The following MAP2K5 variants were observed in gnomAD, a reference collection of about 807,000 sequenced individuals.
MAP2K5 encodes dual specificity mitogen-activated protein kinase kinase 5.
In MAP2K5, 49 loss-of-function variants were observed where a neutral mutation model predicts 83.1. The ratio of observed to expected loss-of-function variants is 0.59; its 90% CI spans 0.47 to 0.75. The LOEUF (loss-of-function observed/expected upper bound fraction) is 0.75, where lower values mean the gene tolerates loss of function less well. Among genes scored for constraint, MAP2K5 ranks in the 30% least tolerant of loss-of-function variants. The probability of loss-of-function intolerance (pLI) is 0.00; values close to 1 mark genes in which losing one functional copy is unlikely to be tolerated. For synonymous variants in MAP2K5, 202 were observed against 191.8 expected, an observed-to-expected ratio of 1.05 and a Z score of -0.44; for missense variants, 457 against 557.5, an observed-to-expected ratio of 0.82 and a Z score of 1.82.
chr15:67,592,385 G>A (rs2085434285), intron 6 of MAP2K5, among the ~76,000 whole-genome samples: 1 of 152,122 alleles, frequency 6.6e-6, no homozygotes, highest in Non-Finnish European at 1.5e-5. Flanking sequence ...TACAGAAAGA[G>A]GAAATTGAGG....
chr15:67,671,035 A>C (rs1443179614), intron 13 of MAP2K5, among the ~76,000 whole-genome samples: 1 of 152,198 alleles, frequency 6.6e-6, no homozygotes. Flanking sequence ...CTACTGACTG[A>C]CTGCCTCACT....
chr15:67,707,697 G>A (rs1045536452), intron 16 of MAP2K5, among the ~76,000 whole-genome samples: 11 of 152,136 alleles, frequency 7.2e-5, no homozygotes, highest in Non-Finnish European at 4.4e-5. Context: ...AAGGGGGTGG[G>A]GTTTCACACA....
intron 9 of MAP2K5, among the ~76,000 whole-genome samples, chr15:67,645,978 A>C (rs1373304182): frequency 6.6e-6 from 1 of 152,160 alleles, no homozygotes; most frequent in East Asian, 1.9e-4. Context: ...TTTTAAAGCC[A>C]TTACTATTGA....
rs190494217 is a variant in MAP2K5 at position 67,587,153 on chromosome 15, G to A, written c.431+240G>A. ...AGAAGCAGAGAAGGGCGTTTCAGAC[G>A]GAGGGAAGAGGGTAGGTGAAGGCCC... On this transcript the variant is annotated intron_variant, in intron 6 of 21. Coordinates refer to ENST00000178640, the MANE Select transcript of MAP2K5 (RefSeq NM_145160.3). This position sits in a 1 kb window ranked among gnomAD's most constrained non-coding sequence, Gnocchi z 4.8. Among the ~76,000 whole-genome samples the A allele has an allele frequency of 5.3e-4, 80 of 152,282 alleles. No individual in the cohort carries two copies. The highest frequency in any genetic ancestry group is 1.9e-3 in the East Asian group (10 of 5,178).
rs398027749 is a variant in MAP2K5 at position 67,621,449 on chromosome 15, A to AAG, written c.546-9439_546-9438insAG. Among the ~76,000 whole-genome samples the AAG allele has an allele frequency of 6.6e-5, 10 of 151,378 alleles. No individual in the cohort carries two copies. The East Asian group carries it at 7.7e-4, about 12-fold the overall frequency. On this transcript the variant is annotated intron_variant, in intron 8 of 21. Transcript: ENST00000178640. ...ACAAAAGTTTGAAAAAAAAAAAAAA[A>AAG]GAACAAAAGTTAATTAAGTGAAAAT...
intron 7 of MAP2K5, among the ~76,000 whole-genome samples, chr15:67,597,751 A>G (rs1337120384): frequency 2.0e-5 from 3 of 152,218 alleles, no homozygotes; most frequent in African/African-American, 7.2e-5. Context: ...GATAAGAGAT[A>G]TGAAGTTCTA....
chr15:67,638,420 G>A lies in MAP2K5; in HGVS notation c.585+7493G>A, dbSNP rs1209500106. ...CATGATCTCATTGTTTTTTATGACT[G>A]CATAGTATTCCATGGTGTGTATGTA... On this transcript the variant is annotated intron_variant, in intron 9 of 21. Coordinates refer to ENST00000178640, the MANE Select transcript of MAP2K5 (RefSeq NM_145160.3). The surrounding 1 kb of genome is among the most constrained non-coding windows in gnomAD (Gnocchi z 4.5). 6.6e-6 allele frequency among the ~76,000 whole-genome samples: 1 copy of A among 152,172 alleles called. No homozygotes were observed. Among genetic ancestry groups the A allele is most frequent in the Non-Finnish European group, 1.5e-5 (1 of 68,028 alleles).
At chr15:67,687,907 T>C (rs1283143941) in intron 13 of MAP2K5, among the ~76,000 whole-genome samples, 1 of 151,850 alleles carries the variant, frequency 6.6e-6, no homozygotes, top group African/African-American at 2.4e-5. Context: ...AACAGATCTA[T>C]GTGTAGAAAT....
At chr15:67,695,233 C>T (rs921095815) in intron 15 of MAP2K5, among the ~76,000 whole-genome samples, 2 of 151,408 alleles carry the variant, frequency 1.3e-5, no homozygotes, top group South Asian at 2.1e-4. Context: ...ACATTGTGCA[C>T]ATGTACCCTA....
intron 2 of MAP2K5, 87 bp downstream of exon 2, chr15:67,550,169 A>G: frequency 1.0e-6 from 1 of 953,760 alleles, no homozygotes; most frequent in Non-Finnish European, 1.7e-6. Context: ...TTAGAAACTG[A>G]CAAAAACAGA....
At position 67,542,968 on chromosome 15, in the gene MAP2K5, T is replaced by C. The variant is rs1473235433; in HGVS notation, c.-368T>C. On this transcript the variant is annotated 5_prime_UTR_variant, in exon 1 of 22. Coordinates refer to ENST00000178640, the MANE Select transcript of MAP2K5 (RefSeq NM_145160.3). The stretch of plus-strand genomic sequence containing the variant: ...CTGACGAGCGGTGGACACCTGCCGC[T>C]GTATCTCCCCCAAACCGAGTCCTTG... 7.8e-6 allele frequency: 2 copies of C among 255,000 alleles called. No individual in the cohort carries two copies. Among genetic ancestry groups the C allele is most frequent in the Non-Finnish European group, 1.5e-5 (2 of 129,076 alleles). The allele number at this position is 255,000 out of a possible 1,614,324, so 15.8% of individuals were successfully genotyped here.
At position 67,649,301 on chromosome 15, in the gene MAP2K5, A is replaced by G. The variant is rs182405863; in HGVS notation, c.736+2832A>G. Among the ~76,000 whole-genome samples the G allele has an allele frequency of 3.8e-3, 578 of 152,226 alleles. 2 individuals carry two copies. The highest frequency in any genetic ancestry group is 6.6e-3 in the Non-Finnish European group (449 of 68,018). ...TTCTAATACTTGGCTCTTATCAGATATGGGATTTCCAAATATTTTCACTTA... is the reference window on the plus strand; with the variant it reads ...TTCTAATACTTGGCTCTTATCAGATGTGGGATTTCCAAATATTTTCACTTA... On this transcript the variant is annotated intron_variant, in intron 11 of 21. Transcript: ENST00000178640.
chr15:67,658,694 G>GT, intron 12 of MAP2K5, 80 bp downstream of exon 12: 3 of 1,231,278 alleles, frequency 2.4e-6, no homozygotes, highest in Non-Finnish European at 3.5e-6. Context: ...TATTCTCAAT[G>GT]TTTTTTCTTG....
At chr15:67,662,443 A>G (rs1309824264) in intron 12 of MAP2K5, among the ~76,000 whole-genome samples, 1 of 152,144 alleles carries the variant, frequency 6.6e-6, no homozygotes, top group African/African-American at 2.4e-5. Context: ...AGAATTCTCT[A>G]TAGTGATGAA....
At chr15:67,678,184 TG>T (rs1237149330) in intron 13 of MAP2K5, among the ~76,000 whole-genome samples, 2 of 152,196 alleles carry the variant, frequency 1.3e-5, no homozygotes, top group Non-Finnish European at 2.9e-5. Flanking sequence ...ATAGATATAT[TG>T]TTTTTTTTCT....
intron 7 of MAP2K5, among the ~76,000 whole-genome samples, chr15:67,594,713 T>C (rs910025713): frequency 7.2e-5 from 11 of 152,184 alleles, no homozygotes; most frequent in African/African-American, 1.2e-4. Flanking sequence ...TGTTTATTGC[T>C]TTCCCTTGGG....
intron 19 of MAP2K5, among the ~76,000 whole-genome samples, chr15:67,753,719 G>A (rs902745633): frequency 1.3e-5 from 2 of 152,084 alleles, no homozygotes; most frequent in African/African-American, 4.8e-5. Context: ...TGACAAGAAT[G>A]TGGGGAAATT....
At chr15:67,623,426 A>T (rs1010382140) in intron 8 of MAP2K5, among the ~76,000 whole-genome samples, 1 of 152,200 alleles carries the variant, frequency 6.6e-6, no homozygotes, top group Non-Finnish European at 1.5e-5. Flanking sequence ...TTTCTTAACA[A>T]TAAATGATAT....
intron 8 of MAP2K5, among the ~76,000 whole-genome samples, chr15:67,623,388 A>C (rs767279511): frequency 3.3e-5 from 5 of 152,190 alleles, no homozygotes; most frequent in African/African-American, 1.2e-4. Flanking sequence ...AGTTGGTTCA[A>C]CATGAAGTAA....
Sources: allele counts gnomAD v4.1 joint callset (sites outside exome capture counted in the v4.1 genomes callset), GRCh38; gene constraint gnomAD v4.1.1; non-coding constraint Gnocchi (gnomAD v3.1); transcripts MANE v1.5; gene names NCBI Gene and HGNC (gene_info 2026-07-23, HGNC 2026-07-21).